MYBPH: variants seen among roughly 807,000 people sequenced by gnomAD.
MYBPH encodes the protein myosin binding protein H, also known as myosin-binding protein H.
MYBPH carries 49 observed loss-of-function variants against 53.6 expected under a neutral mutation model. The ratio of observed to expected loss-of-function variants is 0.91; its 90% CI spans 0.73 to 1.16. MYBPH has a LOEUF of 1.16. MYBPH is among the 50% of genes most tolerant of loss of function. MYBPH has a pLI of 0.00. For synonymous variants in MYBPH, 239 were observed against 249.6 expected, an observed-to-expected ratio of 0.96 and a Z score of 0.40; for missense variants, 558 against 624.1, an observed-to-expected ratio of 0.89 and a Z score of 1.13.
At position 203,174,570 on chromosome 1, in the gene MYBPH, C is replaced by G. The variant is rs148261586; in HGVS notation, c.368G>C (p.Arg123Pro). The change falls in exon 3 of 11, where the codon CGG becomes CCG. Residue 123 changes from arginine to proline, a missense_variant. Coordinates refer to ENST00000255416, the MANE Select transcript of MYBPH (RefSeq NM_004997.3). Reference sequence around the variant, plus strand: ...AGTCTGCTGGGTCACCATCATGGGCCGGGCACTCACAGGCACCCACTCCGA... The same window carrying G: ...AGTCTGCTGGGTCACCATCATGGGCGGGGCACTCACAGGCACCCACTCCGA... Reference protein sequence around the residue: ...GASEWVPVSARPMMVTQQTVR... With the variant: ...GASEWVPVSAPPMMVTQQTVR... The G allele has an allele frequency of 6.2e-7, 1 of 1,607,566 alleles. No individual in the cohort carries two copies. Among genetic ancestry groups the G allele is most frequent in the African/African-American group, 1.3e-5 (1 of 74,904 alleles).
rs1469731787 is a variant in MYBPH, at chr1:203,175,768, T to TG, written c.-14dup. On this transcript the variant is annotated 5_prime_UTR_variant, in exon 1 of 11. Transcript: ENST00000255416. ...TTTTTTCCATCATTGCTGGACTGGC[T>TG]GGGGGGCCAGGGTGGAGTGTGCAGG... 1.2e-6 allele frequency: 2 copies of TG among 1,613,284 alleles called. No individual in the cohort carries two copies. Among genetic ancestry groups the TG allele is most frequent in the South Asian group, 2.2e-5 (2 of 91,066 alleles).
rs114642705 is a variant in MYBPH at position 203,170,229 on chromosome 1, C to T, written c.1093+62G>A. ...AAACCCAGAGAGAGGGGTGCAGAGA[C>T]GCGGAGGAAGAAGCAGAGACAGGGA... On this transcript the variant is annotated intron_variant, in intron 7 of 10. Coordinates refer to ENST00000255416, the MANE Select transcript of MYBPH (RefSeq NM_004997.3). The T allele has an allele frequency of 2.7e-3, 4,253 of 1,590,614 alleles. 87 individuals carry two copies. In the African/African-American group the frequency reaches 0.05, roughly 19 times the overall value.
In MYBPH at chr1:203,171,018, A is replaced by C; in HGVS notation, c.933+43T>G. 1 of 1,537,896 alleles carries C rather than the reference A, an allele frequency of 6.5e-7. No individual in the cohort carries two copies. Among genetic ancestry groups the C allele is most frequent in the South Asian group, 1.3e-5 (1 of 78,174 alleles). On this transcript the variant is annotated intron_variant, in intron 6 of 10. Transcript: ENST00000255416. This position sits in a 1 kb window ranked among gnomAD's most constrained non-coding sequence, Gnocchi z 4.2. The stretch of plus-strand genomic sequence containing the variant: ...GGGATGGGCCTTCCCCACCACCTTG[A>C]CCACTTCGTACCCCGACCCCACTTT...
chr1:203,171,328 G>A lies in MYBPH; in HGVS notation c.793+55C>T. ...CCATCAGCCATCAGCTCTGGGATAGGAGGTTGGGGGCTCCAGGTCCCCCAT... is the reference window on the plus strand; with the variant it reads ...CCATCAGCCATCAGCTCTGGGATAGAAGGTTGGGGGCTCCAGGTCCCCCAT... On this transcript the variant is annotated intron_variant, in intron 5 of 10. Coordinates refer to ENST00000255416, the MANE Select transcript of MYBPH (RefSeq NM_004997.3). This position sits in a 1 kb window ranked among gnomAD's most constrained non-coding sequence, Gnocchi z 4.2. 1 of 1,577,364 alleles carries A rather than the reference G, an allele frequency of 6.3e-7. No individual in the cohort carries two copies. Among genetic ancestry groups the A allele is most frequent in the South Asian group, 1.2e-5 (1 of 85,044 alleles).
At position 203,169,013 on chromosome 1, in the gene MYBPH, C is replaced by T. The variant is rs771513068; in HGVS notation, c.1310G>A (p.Cys437Tyr). The T allele has an allele frequency of 1.2e-6, 2 of 1,613,748 alleles. No individual in the cohort carries two copies. Among genetic ancestry groups the T allele is most frequent in the Admixed American group, 3.3e-5 (2 of 60,020 alleles). ...GCTGGGTTTCCGGATCTCTAGGGTGCAGACGCCTTGCTCAGAGAGGGCGCG... is the reference window on the plus strand; with the variant it reads ...GCTGGGTTTCCGGATCTCTAGGGTGTAGACGCCTTGCTCAGAGAGGGCGCG... ...KYRALSEQGV[C>Y]TLEIRKPSPF... Residue 437 changes from cysteine to tyrosine, a missense_variant, in exon 9 of 11, where the codon TGC (cysteine) becomes TAC (tyrosine). Coordinates refer to ENST00000255416, the MANE Select transcript of MYBPH (RefSeq NM_004997.3).
intron 3 of MYBPH, 30 bp from the exon 4 acceptor site, chr1:203,172,070 A>C (rs1417983509): frequency 1.6e-6 from 2 of 1,265,848 alleles, no homozygotes; most frequent in Non-Finnish European, 2.0e-6. Context: ...TGGGCTTAGC[A>C]GTGCAGTGGG....
chr1:203,171,285 C>T lies in MYBPH; in HGVS notation c.794-85G>A. On this transcript the variant is annotated intron_variant, in intron 5 of 10. Coordinates refer to ENST00000255416, the MANE Select transcript of MYBPH (RefSeq NM_004997.3). The surrounding 1 kb of genome is among the most constrained non-coding windows in gnomAD (Gnocchi z 4.2). Reference sequence around the variant, plus strand: ...CACACCCAAAATTTGGCTCTTGCCACACTCCCTTGGCCTGCTCCCATCAGC... The same window carrying T: ...CACACCCAAAATTTGGCTCTTGCCATACTCCCTTGGCCTGCTCCCATCAGC... The T allele has an allele frequency of 3.4e-5, 53 of 1,549,038 alleles. No homozygotes were observed. The highest frequency in any genetic ancestry group is 4.5e-5 in the Non-Finnish European group (52 of 1,146,292).
intron 2 of MYBPH, 73 bp from the exon 3 acceptor site, chr1:203,174,670 C>T: frequency 7.3e-7 from 1 of 1,376,774 alleles, no homozygotes; most frequent in South Asian, 1.7e-5. Flanking sequence ...GCTTCTTTTC[C>T]TGCTGGTGAT....
rs886355803 is a variant in MYBPH at position 203,175,788 on chromosome 1, T to C, written c.-33A>G. On this transcript the variant is annotated 5_prime_UTR_variant, in exon 1 of 11. Coordinates refer to ENST00000255416, the MANE Select transcript of MYBPH (RefSeq NM_004997.3). The stretch of plus-strand genomic sequence containing the variant: ...CTGGCTGGGGGGCCAGGGTGGAGTG[T>C]GCAGGGGTCAGCCGTTGGGGGGCCT... 5.0e-6 allele frequency: 8 copies of C among 1,609,946 alleles called. No homozygotes were observed. In the African/African-American group the frequency reaches 1.1e-4, roughly 22 times the overall value.
intron 7 of MYBPH, among the ~76,000 whole-genome samples, chr1:203,169,778 G>C (rs778599271): frequency 1.3e-5 from 2 of 152,236 alleles, no homozygotes; most frequent in Non-Finnish European, 2.9e-5. Context: ...CTGTGGGTCG[G>C]AGAGGGCCTT....
upstream of MYBPH, among the ~76,000 whole-genome samples, chr1:203,178,566 C>T (rs1442849443): frequency 6.6e-6 from 1 of 152,242 alleles, no homozygotes; most frequent in Non-Finnish European, 1.5e-5. Flanking sequence ...TGAGCTCCCA[C>T]CACCTTCCTG....
chr1:203,174,271 A>G (rs1426606556), intron 3 of MYBPH, 159 bp downstream of exon 3: 3 of 979,088 alleles, frequency 3.1e-6, no homozygotes, highest in Non-Finnish European at 3.6e-6. Context: ...GGAACCTGGA[A>G]CTTTCTTAAG....
intron 3 of MYBPH, 66 bp from the exon 4 acceptor site, chr1:203,172,106 G>T: frequency 9.8e-7 from 1 of 1,023,856 alleles, no homozygotes; most frequent in Non-Finnish European, 1.3e-6. Flanking sequence ...TTCTGAGATG[G>T]GGCAGGGGAC....
Position 203,174,435 on chromosome 1 carries a change from T to A in MYBPH, c.503A>T (p.Asn168Ile). 1 of 1,585,320 alleles carries A rather than the reference T, an allele frequency of 6.3e-7. No homozygotes were observed. Among genetic ancestry groups the A allele is most frequent in the Non-Finnish European group, 8.6e-7 (1 of 1,158,976 alleles). The change falls in exon 3 of 11, where the codon AAC becomes ATC. Residue 168 changes from asparagine to isoleucine, a missense_variant. Physicochemically the swap from Asn to Ile is moderately radical, Grantham distance 149. Transcript: ENST00000255416. ...MLDQPIHIRE[N>I]IEAPKIRVPR... ...AAGGCCAGGATGGGCTTTACCAATG[T>A]TCTCTCGGATGTGGATGGGCTGGTC...
In MYBPH at chr1:203,171,463, C is replaced by A; in HGVS notation, c.713G>T (p.Arg238Leu). Residue 238 changes from arginine to leucine, a missense_variant, in exon 5 of 11, where the codon CGC becomes CTC. Transcript: ENST00000255416. This position sits in a 1 kb window ranked among gnomAD's most constrained non-coding sequence, Gnocchi z 4.2. Reference sequence around the variant, plus strand: ...GAGCTCGTAGCGGCCAGAGTCGGAGCGCTGGGCCGAGCGAATGAAGAGGAT... The same window carrying A: ...GAGCTCGTAGCGGCCAGAGTCGGAGAGCTGGGCCGAGCGAATGAAGAGGAT... ...DSILFIRSAQ[R>L]SDSGRYELTV... 1.9e-6 allele frequency: 3 copies of A among 1,613,898 alleles called. No homozygotes were observed. The South Asian group carries it at 3.3e-5, about 18-fold the overall frequency.
chr1:203,174,261 G>A, intron 3 of MYBPH, 169 bp downstream of exon 3: 7 of 968,448 alleles, frequency 7.2e-6, no homozygotes, highest in Non-Finnish European at 8.6e-6. Flanking sequence ...TTACTGCTGA[G>A]GAACCTGGAA....
At position 203,174,413 on chromosome 1, in the gene MYBPH, G is replaced by T. The variant is rs968360395; in HGVS notation, c.508+17C>A. 3.8e-6 allele frequency: 6 copies of T among 1,563,648 alleles called. No homozygotes were observed. The highest frequency in any genetic ancestry group is 4.6e-5 in the East Asian group (2 of 43,852). The stretch of plus-strand genomic sequence containing the variant: ...TTTGGGAAGGGCTGGGTAGCTGAAG[G>T]CCAGGATGGGCTTTACCAATGTTCT... On this transcript the variant is annotated intron_variant, in intron 3 of 10. Coordinates refer to ENST00000255416, the MANE Select transcript of MYBPH (RefSeq NM_004997.3).
In MYBPH at chr1:203,171,636, C is replaced by A; in HGVS notation, c.598-58G>T. The A allele has an allele frequency of 6.7e-7, 1 of 1,497,696 alleles. No homozygotes were observed. Among genetic ancestry groups the A allele is most frequent in the South Asian group, 1.3e-5 (1 of 79,282 alleles). The allele number at this position is 1,497,696 out of a possible 1,614,324, so 92.8% of individuals were successfully genotyped here. On this transcript the variant is annotated intron_variant, in intron 4 of 10. Transcript: ENST00000255416. The surrounding 1 kb of genome is among the most constrained non-coding windows in gnomAD (Gnocchi z 4.2). Reference sequence around the variant, plus strand: ...GGAGGTGCCAGAGTCCCCACACCTCCTTAACTCCAGGAGTCTCTGGAGCTG... The same window carrying A: ...GGAGGTGCCAGAGTCCCCACACCTCATTAACTCCAGGAGTCTCTGGAGCTG...
chr1:203,170,858 G>A (rs1655680733), intron 6 of MYBPH, among the ~76,000 whole-genome samples: 1 of 152,196 alleles, frequency 6.6e-6, no homozygotes, highest in Admixed American at 6.5e-5. Flanking sequence ...AGACAGCCCG[G>A]GCCAGCCCTC....
Sources: gnomAD v4.1 joint callset for allele counts (sites outside exome capture counted in the v4.1 genomes callset) on GRCh38, gnomAD v4.1.1 for gene constraint, Gnocchi (gnomAD v3.1) non-coding constraint, MANE v1.5 for transcripts, NCBI Gene and HGNC (gene_info 2026-07-23, HGNC 2026-07-21) for gene names.